The following SETD5 variants were observed in gnomAD, a reference collection of about 807,000 sequenced individuals.
The protein encoded by SETD5 is histone-lysine N-methyltransferase SETD5.
A neutral mutation model predicts 153.3 loss-of-function variants in SETD5; 44 were observed. That is an observed-to-expected ratio of 0.29 (90% confidence interval 0.23 to 0.37). The LOEUF (loss-of-function observed/expected upper bound fraction) is 0.37, where lower values mean the gene tolerates loss of function less well. SETD5 is among the 10% of genes least tolerant of loss of function. The pLI is 1.00. For synonymous variants in SETD5, 716 were observed against 645.2 expected (o/e 1.11, Z -1.66); for missense variants, 1,544 against 1,768.0 (o/e 0.87, Z 2.27).
intron 17 of SETD5, among the ~76,000 whole-genome samples, chr3:9,455,929 C>T (rs2125388743): frequency 6.6e-6 from 1 of 152,278 alleles, no homozygotes; most frequent in African/African-American, 2.4e-5. Context: ...ACAGGACACA[C>T]CTTGCCCTTA....
chr3:9,473,049 G>A (rs542850089), intron 19 of SETD5, among the ~76,000 whole-genome samples, 187 bp from the exon 20 acceptor site: 1 of 152,276 alleles, frequency 6.6e-6, no homozygotes, highest in African/African-American at 2.4e-5. Flanking sequence ...CCTTAAATAT[G>A]TAGCTGTGCT....
At chr3:9,414,367 G>A (rs989099877) in intron 1 of SETD5, among the ~76,000 whole-genome samples, 4 of 152,102 alleles carry the variant, frequency 2.6e-5, no homozygotes, top group Non-Finnish European at 4.4e-5. Context: ...GCCATTGGTC[G>A]TGTGTGTTTT....
intron 3 of SETD5, chr3:9,430,680 G>A (rs2039855044): frequency 6.2e-6 from 2 of 324,892 alleles, no homozygotes; most frequent in Non-Finnish European, 8.8e-6. Flanking sequence ...TCAACAAAGA[G>A]GTTAAACCAA....
At chr3:9,412,863 A>G (rs753793467) in intron 1 of SETD5, among the ~76,000 whole-genome samples, 39 of 151,432 alleles carry the variant, frequency 2.6e-4, no homozygotes, top group Admixed American at 7.3e-4. Context: ...TCGATACTAG[A>G]TAATGAATAA....
chr3:9,473,563 G>A (rs762242647), intron 20 of SETD5, 26 bp downstream of exon 20: 1 of 1,575,370 alleles, frequency 6.3e-7, no homozygotes, highest in Non-Finnish European at 8.6e-7. Context: ...ATGTTTTATA[G>A]TTAAATTGGG....
intron 18 of SETD5, among the ~76,000 whole-genome samples, chr3:9,469,182 G>A (rs557551380): frequency 1.8e-4 from 28 of 152,276 alleles, no homozygotes; most frequent in East Asian, 1.5e-3. Context: ...TCTGTCACAG[G>A]CCACCATTCT....
chr3:9,440,264 A>C (rs1268134671), intron 7 of SETD5, among the ~76,000 whole-genome samples, 192 bp from the exon 8 acceptor site: 2 of 152,204 alleles, frequency 1.3e-5, no homozygotes, highest in East Asian at 3.8e-4. Flanking sequence ...AAGTTATTCA[A>C]GGTCTCACCT....
chr3:9,454,647 A>C (rs1036126150), intron 17 of SETD5, among the ~76,000 whole-genome samples: 3 of 149,818 alleles, frequency 2.0e-5, no homozygotes, highest in Non-Finnish European at 4.5e-5. Context: ...AAAAAAAAAA[A>C]AAACAAATTT....
chr3:9,468,185 A>G (rs947868133), intron 18 of SETD5, among the ~76,000 whole-genome samples: 1 of 151,876 alleles, frequency 6.6e-6, no homozygotes, highest in African/African-American at 2.4e-5. Context: ...GTAGGTTGCT[A>G]AACTCTCATC....
intron 1 of SETD5, among the ~76,000 whole-genome samples, chr3:9,407,798 C>T (rs541760315): frequency 1.3e-5 from 2 of 152,100 alleles, no homozygotes; most frequent in African/African-American, 2.4e-5. Flanking sequence ...GTCTGGAGTT[C>T]GAGAGCAGCC....
chr3:9,408,084 C>T (rs1175672911), intron 1 of SETD5, among the ~76,000 whole-genome samples: 1 of 152,058 alleles, frequency 6.6e-6, no homozygotes, highest in South Asian at 2.1e-4. Context: ...GCTATCCTAG[C>T]GTAATTAGTA....
At chr3:9,405,665 T>A (rs2035534490) in intron 1 of SETD5, among the ~76,000 whole-genome samples, 1 of 152,252 alleles carries the variant, frequency 6.6e-6, no homozygotes, top group Non-Finnish European at 1.5e-5. Flanking sequence ...TTCATCATTC[T>A]TAGATATTAT....
chr3:9,439,199 A>G (rs62246309), intron 7 of SETD5, among the ~76,000 whole-genome samples: 4,007 of 152,198 alleles, frequency 0.026, 67 homozygotes, highest in Middle Eastern at 0.058. Flanking sequence ...AGCAGGCGAT[A>G]CTCTGATTGT....
chr3:9,437,416 A>G (rs956973625), intron 7 of SETD5, among the ~76,000 whole-genome samples: 4 of 152,184 alleles, frequency 2.6e-5, no homozygotes, highest in African/African-American at 9.7e-5. Context: ...GAACTTGGAG[A>G]ATAGAGCAAG....
intron 3 of SETD5, chr3:9,429,693 A>G (rs1023751112): frequency 3.1e-5 from 11 of 354,326 alleles, no homozygotes; most frequent in African/African-American, 2.2e-4. Flanking sequence ...ACAACTTTAT[A>G]TATATTATTC....
Position 9,447,978 on chromosome 3 carries a change from C to A in SETD5, c.2075C>A (p.Ala692Asp). The change falls in exon 15 of 23, where the codon GCT becomes GAT. Residue 692 changes from alanine (A) to aspartate (D), a missense_variant. Coordinates refer to ENST00000402198, the MANE Select transcript of SETD5 (RefSeq NM_001080517.3). ...VSITGSHVNR[A>D]ASKYPKTKKY... is the part of the protein sequence containing the mutation. ...ATTACTGGATCCCATGTCAACCGTG[C>A]TGCATCTAAATACCCCAAAACCAAA... The A allele has an allele frequency of 6.2e-7, 1 of 1,613,420 alleles. No homozygotes were observed. Among genetic ancestry groups the A allele is most frequent in the African/African-American group, 1.3e-5 (1 of 75,028 alleles).
At chr3:9,474,159 A>G (rs1402919960) in intron 20 of SETD5, among the ~76,000 whole-genome samples, 1 of 152,240 alleles carries the variant, frequency 6.6e-6, no homozygotes, top group Non-Finnish European at 1.5e-5. Flanking sequence ...TGTATCAGGC[A>G]CATGATTTCC....
rs576486238 is a variant in SETD5, at chr3:9,470,564, C to G, written c.2830C>G (p.Leu944Val). 1 of 1,614,012 alleles carries G rather than the reference C, an allele frequency of 6.2e-7. No homozygotes were observed. Among genetic ancestry groups the G allele is most frequent in the Admixed American group, 1.7e-5 (1 of 60,030 alleles). Residue 944 changes from leucine (L) to valine (V), a missense_variant, in exon 19 of 23, where the codon CTG becomes GTG. By Grantham distance (32) the Leu-to-Val change is conservative. Transcript: ENST00000402198. ...PSLLNSGHSD[L>V]APHPSLGPTS... ...CCTACTCAACTCAGGTCATTCTGACCTGGCTCCTCATCCCTCCCTCGGACC... is the reference window on the plus strand; with the variant it reads ...CCTACTCAACTCAGGTCATTCTGACGTGGCTCCTCATCCCTCCCTCGGACC...
At chr3:9,427,351 G>C (rs1392802539) in intron 2 of SETD5, among the ~76,000 whole-genome samples, 1 of 152,156 alleles carries the variant, frequency 6.6e-6, no homozygotes, top group Non-Finnish European at 1.5e-5. Context: ...AGGAGTTCAA[G>C]ACCGCCTGGC....
Sources: allele counts gnomAD v4.1 joint callset (sites outside exome capture counted in the v4.1 genomes callset), GRCh38; gene constraint gnomAD v4.1.1; transcripts MANE v1.5; gene names NCBI Gene and HGNC (gene_info 2026-07-23, HGNC 2026-07-21).